The following TIAM1 variants were observed in gnomAD, a reference collection of about 807,000 sequenced individuals.
TIAM1 encodes the protein TIAM Rac1 associated GEF 1.
A neutral mutation model predicts 163.5 loss-of-function variants in TIAM1; 65 were observed. The observed-to-expected ratio is 0.40, with a 90% CI of 0.33 to 0.49. The LOEUF is 0.49. Ranked by LOEUF, TIAM1 falls within the 20% of genes least tolerant of loss-of-function variation. The probability of loss-of-function intolerance (pLI) is 0.77; values close to 1 mark genes in which losing one functional copy is unlikely to be tolerated. For synonymous variants in TIAM1, 833 were observed against 810.1 expected, an observed-to-expected ratio of 1.03 and a Z score of -0.48; for missense variants, 1,789 against 2,044.7, an observed-to-expected ratio of 0.87 and a Z score of 2.41.
At position 31,382,849 on chromosome 21, in the gene TIAM1, C is replaced by T. The variant is rs75596020; in HGVS notation, c.-368-43427G>A. 2.6e-5 allele frequency among the ~76,000 whole-genome samples: 4 copies of T among 152,302 alleles called. No homozygotes were observed. In the East Asian group the frequency reaches 7.7e-4, roughly 29 times the overall value. On this transcript the variant is annotated intron_variant, in intron 2 of 28. Coordinates refer to the TIAM1 transcript ENST00000286827. Reference sequence around the variant, plus strand: ...TGGTTCAAGAAGTATGCTTTTATGCCTTCAATATGGAAAAGTAATCAATTT... The same window carrying T: ...TGGTTCAAGAAGTATGCTTTTATGCTTTCAATATGGAAAAGTAATCAATTT...
chr21:31,314,361 A>G (rs1432624471), intron 2 of TIAM1, among the ~76,000 whole-genome samples: 1 of 152,204 alleles, frequency 6.6e-6, no homozygotes, highest in East Asian at 1.9e-4. Flanking sequence ...GCAGTAGGAT[A>G]TATTATATAA....
intron 2 of TIAM1, among the ~76,000 whole-genome samples, chr21:31,408,644 C>A (rs1169104343): frequency 6.6e-6 from 1 of 152,222 alleles, no homozygotes; most frequent in Non-Finnish European, 1.5e-5. Flanking sequence ...CTGACACTCT[C>A]ATCAACGTGA....
chr21:31,500,390 A>T (rs1325080586), intron 1 of TIAM1, among the ~76,000 whole-genome samples: 2 of 152,144 alleles, frequency 1.3e-5, no homozygotes, highest in Non-Finnish European at 2.9e-5. Context: ...CTAACACAGC[A>T]TCCGCCATGC....
intron 1 of TIAM1, among the ~76,000 whole-genome samples, chr21:31,528,576 G>A (rs2047861464): frequency 6.6e-6 from 1 of 151,586 alleles, no homozygotes; most frequent in Middle Eastern, 3.4e-3. Flanking sequence ...AGGCCGAGGC[G>A]GGCGGATCAC....
intron 3 of TIAM1, among the ~76,000 whole-genome samples, chr21:31,272,320 G>A (rs1401526139): frequency 6.6e-6 from 1 of 152,072 alleles, no homozygotes; most frequent in African/African-American, 2.4e-5. Context: ...CTAAGTTGGG[G>A]ACTGTCTATA....
At chr21:31,238,563 C>T (rs1303306682) in intron 6 of TIAM1, among the ~76,000 whole-genome samples, 1 of 152,088 alleles carries the variant, frequency 6.6e-6, no homozygotes, top group African/African-American at 2.4e-5. Flanking sequence ...AAAAGAAAAC[C>T]TTCTGATTCC....
chr21:31,248,141 T>C (rs551109283), intron 5 of TIAM1, among the ~76,000 whole-genome samples: 2 of 152,232 alleles, frequency 1.3e-5, no homozygotes, highest in African/African-American at 2.4e-5. Flanking sequence ...CTGCTCTAAA[T>C]AGTTTTTACG....
intron 5 of TIAM1, among the ~76,000 whole-genome samples, chr21:31,248,204 C>T (rs1009395843): frequency 3.9e-5 from 6 of 152,164 alleles, no homozygotes; most frequent in Non-Finnish European, 8.8e-5. Flanking sequence ...GAGCAACACA[C>T]GTTAGCATAG....
chr21:31,229,212 G>T (rs2088249472), intron 6 of TIAM1, among the ~76,000 whole-genome samples: 1 of 152,226 alleles, frequency 6.6e-6, no homozygotes, highest in East Asian at 1.9e-4. Context: ...AAGGTTTCTG[G>T]AGTGCTGGCC....
intron 2 of TIAM1, among the ~76,000 whole-genome samples, chr21:31,367,142 G>A (rs1367720588): frequency 2.0e-5 from 3 of 150,912 alleles, no homozygotes; most frequent in Non-Finnish European, 4.4e-5. Flanking sequence ...AGGAAGGAGG[G>A]AGGGAGGGAG....
chr21:31,176,858 T>A (rs1415093832), intron 15 of TIAM1, among the ~76,000 whole-genome samples: 1 of 151,502 alleles, frequency 6.6e-6, no homozygotes, highest in Non-Finnish European at 1.5e-5. Context: ...CCGGAACAAA[T>A]GCAGACCCAG....
chr21:31,488,047 C>T (rs546346418), intron 1 of TIAM1, among the ~76,000 whole-genome samples: 1 of 152,338 alleles, frequency 6.6e-6, no homozygotes, highest in South Asian at 2.1e-4. Flanking sequence ...CTATTTGTAA[C>T]TCCTGACCTC....
At chr21:31,525,221 T>G (rs748548326) in intron 1 of TIAM1, among the ~76,000 whole-genome samples, 1 of 151,654 alleles carries the variant, frequency 6.6e-6, no homozygotes, top group Non-Finnish European at 1.5e-5. Flanking sequence ...ACACAAAAAT[T>G]AGCCAGGCAT....
At chr21:31,504,789 G>A (rs1461323822) in intron 1 of TIAM1, among the ~76,000 whole-genome samples, 1 of 151,882 alleles carries the variant, frequency 6.6e-6, no homozygotes, top group Non-Finnish European at 1.5e-5. Flanking sequence ...ATTTTTTCAG[G>A]ATCTCATGCT....
At chr21:31,144,166 A>G (rs2082992172) in intron 20 of TIAM1, among the ~76,000 whole-genome samples, 1 of 152,230 alleles carries the variant, frequency 6.6e-6, no homozygotes, top group African/African-American at 2.4e-5. Flanking sequence ...CCAAAGCACA[A>G]AATCCTGAAG....
intron 2 of TIAM1, among the ~76,000 whole-genome samples, chr21:31,287,387 T>C (rs773737448): frequency 6.6e-6 from 1 of 152,228 alleles, no homozygotes; most frequent in Non-Finnish European, 1.5e-5. Context: ...AATGAGGAAA[T>C]AGACCATTTC....
chr21:31,539,887 A>G (rs997644197), intron 1 of TIAM1, among the ~76,000 whole-genome samples: 1 of 152,110 alleles, frequency 6.6e-6, no homozygotes, highest in Non-Finnish European at 1.5e-5. Context: ...CTTAATGATA[A>G]CATGTAAAGT....
In TIAM1 at chr21:31,217,686, G is replaced by A; in HGVS notation, c.2009C>T (p.Thr670Ile). 2 of 1,613,354 alleles carry A rather than the reference G, an allele frequency of 1.2e-6. No individual in the cohort carries two copies. The highest frequency in any genetic ancestry group is 4.5e-5 in the East Asian group (2 of 44,862). ...ACGTCTTCTCACTCCAGTTTCACCA[G>A]TGCGTGCTGCCACCTGAGGATGGCA... Reference protein sequence around the residue: ...SSFHALVAARTGETGVRRRTQ... With the variant: ...SSFHALVAARIGETGVRRRTQ... Residue 670 changes from threonine to isoleucine, a missense_variant, in exon 9 of 28, where the codon ACT becomes ATT. Around this residue, in one of 5 missense-constraint regions of TIAM1, gnomAD observed 456 missense variants for 586.6 expected, o/e 0.78. Transcript: ENST00000541036.
At chr21:31,179,354 T>C (rs951199303) in intron 15 of TIAM1, among the ~76,000 whole-genome samples, 1 of 151,084 alleles carries the variant, frequency 6.6e-6, no homozygotes, top group African/African-American at 2.4e-5. Flanking sequence ...GCCATTGCAC[T>C]CCAGCCTGGG....
Sources: allele counts gnomAD v4.1 joint callset (sites outside exome capture counted in the v4.1 genomes callset), GRCh38; gene constraint gnomAD v4.1.1; regional missense constraint gnomAD v4.1.1; transcripts MANE v1.5; gene names NCBI Gene and HGNC (gene_info 2026-07-23, HGNC 2026-07-21).